The following ADRA1B variants were observed in gnomAD, a reference collection of about 807,000 sequenced individuals.
ADRA1B encodes the protein alpha-1B adrenergic receptor.
ADRA1B carries 17 observed loss-of-function variants against 17.9 expected under a neutral mutation model. The observed-to-expected ratio is 0.95, with a 90% CI of 0.65 to 1.42. The LOEUF (loss-of-function observed/expected upper bound fraction) is 1.42. Among genes scored for constraint, ADRA1B ranks in the 40% most tolerant of loss-of-function variants. The probability of loss-of-function intolerance (pLI) is 0.00; values close to 1 mark genes in which losing one functional copy is unlikely to be tolerated. For synonymous variants in ADRA1B, 366 were observed against 327.6 expected (o/e 1.12, Z -1.27); for missense variants, 681 against 722.1 (o/e 0.94, Z 0.65).
the ADRA1B span, among the ~76,000 whole-genome samples, chr5:159,986,840 G>A: frequency 1.3e-5 from 2 of 152,102 alleles, no homozygotes; most frequent in African/African-American, 4.8e-5. Flanking sequence ...TACATTGCCG[G>A]GTAAGGGCTA....
At chr5:159,937,021 C>T (rs796472414) in intron 1 of ADRA1B, among the ~76,000 whole-genome samples, 1 of 152,332 alleles carries the variant, frequency 6.6e-6, no homozygotes, top group African/African-American at 2.4e-5. Context: ...CTAGATCCCA[C>T]CGCAGAACAA....
At chr5:159,881,018 A>G (rs1022460736) in intron 1 of ADRA1B, among the ~76,000 whole-genome samples, 9 of 152,088 alleles carry the variant, frequency 5.9e-5, no homozygotes, top group African/African-American at 1.4e-4. Context: ...TTCCAGGAAC[A>G]GTCTATTCTG....
At chr5:159,921,740 T>C (rs1754486965) in intron 1 of ADRA1B, among the ~76,000 whole-genome samples, 1 of 152,228 alleles carries the variant, frequency 6.6e-6, no homozygotes, top group Non-Finnish European at 1.5e-5. Context: ...TTGTTCTCCA[T>C]AGTATTGGAA....
At chr5:159,986,495 G>A in the ADRA1B span, among the ~76,000 whole-genome samples, 1 of 152,230 alleles carries the variant, frequency 6.6e-6, no homozygotes, top group Non-Finnish European at 1.5e-5. Context: ...TGTGCTCTGA[G>A]GCTGGCTCTT....
At chr5:159,910,007 C>A (rs560204978) in intron 1 of ADRA1B, among the ~76,000 whole-genome samples, 22 of 152,252 alleles carry the variant, frequency 1.4e-4, no homozygotes, top group African/African-American at 5.1e-4. Context: ...TAAAAGACAG[C>A]CTTTTCCCTT....
the ADRA1B span, among the ~76,000 whole-genome samples, chr5:159,979,328 G>C: frequency 2.0e-5 from 3 of 152,012 alleles, no homozygotes; most frequent in Non-Finnish European, 1.5e-5. Flanking sequence ...CCTCTGAGAG[G>C]GTCAGTTTTC....
At chr5:159,905,798 G>T (rs1410949939) in intron 1 of ADRA1B, among the ~76,000 whole-genome samples, 1 of 152,196 alleles carries the variant, frequency 6.6e-6, no homozygotes, top group African/African-American at 2.4e-5. Context: ...ATGACCCTGA[G>T]CTGAGGTGTG....
chr5:159,905,919 C>T (rs1754157415), intron 1 of ADRA1B, among the ~76,000 whole-genome samples: 1 of 151,462 alleles, frequency 6.6e-6, no homozygotes, highest in Non-Finnish European at 1.5e-5. Flanking sequence ...TGCAGAGGTG[C>T]AATCTTGGCT....
chr5:159,872,858 T>C (rs967256294), intron 1 of ADRA1B, among the ~76,000 whole-genome samples: 10 of 152,196 alleles, frequency 6.6e-5, no homozygotes, highest in Non-Finnish European at 1.3e-4. Flanking sequence ...GCTGCACCTA[T>C]CAACCCATCA....
At chr5:159,913,681 T>A (rs1754250998), upstream of ADRA1B, among the ~76,000 whole-genome samples, 1 of 152,190 alleles carries the variant, frequency 6.6e-6, no homozygotes, top group Non-Finnish European at 1.5e-5. Flanking sequence ...ATCCTGGCCT[T>A]TTGCCACCAC....
At chr5:159,980,935 A>T in the ADRA1B span, among the ~76,000 whole-genome samples, 1 of 130,198 alleles carries the variant, frequency 7.7e-6, no homozygotes, top group Admixed American at 7.7e-5. Context: ...ACCTCACAAT[A>T]AAAAAAACCA....
intron 1 of ADRA1B, among the ~76,000 whole-genome samples, chr5:159,940,098 G>A (rs941519490): frequency 1.3e-5 from 2 of 152,166 alleles, no homozygotes; most frequent in Non-Finnish European, 2.9e-5. Flanking sequence ...TGTGAGGGTG[G>A]AAAAAGATCG....
intron 1 of ADRA1B, among the ~76,000 whole-genome samples, chr5:159,958,321 C>G (rs1487731133): frequency 6.6e-6 from 1 of 152,156 alleles, no homozygotes; most frequent in Non-Finnish European, 1.5e-5. Context: ...CCACCACTTA[C>G]AGTCTGTTTT....
chr5:159,944,264 G>T (rs1299236415), intron 1 of ADRA1B, among the ~76,000 whole-genome samples: 1 of 152,120 alleles, frequency 6.6e-6, no homozygotes, highest in Non-Finnish European at 1.5e-5. Context: ...CAGCTTTCTC[G>T]CTGGCCACTG....
Position 159,917,730 on chromosome 5 carries a change from C to A in ADRA1B, c.825C>A (p.Pro275=), listed in dbSNP as rs767751800. 2 of 1,614,106 alleles carry A rather than the reference C, an allele frequency of 1.2e-6. No homozygotes were observed. The highest frequency in any genetic ancestry group is 1.7e-6 in the Non-Finnish European group (2 of 1,180,026). The part of the protein sequence containing the change: ...LSSTKAKGHN[P]RSSIAVKLFK... Reference sequence around the variant, plus strand: ...GTACCAAGGCCAAGGGCCACAACCCCAGGAGTTCCATAGCTGTCAAACTTT... The same window carrying A: ...GTACCAAGGCCAAGGGCCACAACCCAAGGAGTTCCATAGCTGTCAAACTTT... The change falls in exon 1 of 2, where the codon CCC becomes CCA. Residue 275 remains proline, a synonymous_variant. Coordinates refer to ENST00000306675, the MANE Select transcript of ADRA1B (RefSeq NM_000679.4).
chr5:159,988,877 G>C, the ADRA1B span, among the ~76,000 whole-genome samples: 2 of 152,218 alleles, frequency 1.3e-5, no homozygotes, highest in Admixed American at 6.5e-5. Context: ...CTACTCAGGA[G>C]ACTAAAACAG....
intron 1 of ADRA1B, among the ~76,000 whole-genome samples, chr5:159,948,688 C>T (rs1025991537): frequency 2.6e-5 from 4 of 152,138 alleles, no homozygotes; most frequent in African/African-American, 7.2e-5. Flanking sequence ...ATTATGAACA[C>T]GTTTCTAATC....
intron 1 of ADRA1B, among the ~76,000 whole-genome samples, chr5:159,896,879 C>A (rs1339175078): frequency 6.6e-6 from 1 of 152,200 alleles, no homozygotes; most frequent in East Asian, 1.9e-4. Context: ...GGAAAAGCAC[C>A]TAACTCTATG....
At chr5:159,959,924 C>T (rs563435452) in intron 1 of ADRA1B, among the ~76,000 whole-genome samples, 5 of 152,150 alleles carry the variant, frequency 3.3e-5, no homozygotes, top group African/African-American at 1.2e-4. Context: ...TAATTTGAGG[C>T]CAGGAAGATT....
Sources: allele counts gnomAD v4.1 joint callset (sites outside exome capture counted in the v4.1 genomes callset), GRCh38; gene constraint gnomAD v4.1.1; transcripts MANE v1.5; gene names NCBI Gene and HGNC (gene_info 2026-07-23, HGNC 2026-07-21).